SKAP2: variants seen among roughly 807,000 people sequenced by gnomAD.
SKAP2 encodes the protein src kinase associated phosphoprotein 2, also known as src kinase-associated phosphoprotein 2.
SKAP2 carries 28 observed loss-of-function variants against 54.9 expected under a neutral mutation model. The observed-to-expected ratio is 0.51, with a 90% confidence interval of 0.38 to 0.70. The LOEUF is 0.70. Ranked by LOEUF, SKAP2 falls within the 30% of genes least tolerant of loss-of-function variation. The pLI, the probability that SKAP2 is intolerant of heterozygous loss-of-function variation, is 0.00. For synonymous variants in SKAP2, 137 were observed against 134.3 expected, an observed-to-expected ratio of 1.02 and a Z score of -0.14; for missense variants, 356 against 424.1, an observed-to-expected ratio of 0.84 and a Z score of 1.41.
chr7:26,844,084 T>C lies in SKAP2; in HGVS notation c.253A>G (p.Thr85Ala). Reference sequence around the variant, plus strand: ...TATCGTTCTGAGGCTAATGAAATAGTGTCTGGAGGCCCAGCAAAAGGGTCA... The same window carrying C: ...TATCGTTCTGAGGCTAATGAAATAGCGTCTGGAGGCCCAGCAAAAGGGTCA... ...YDDPFAGPPD[T>A]ISLASERYDK... The change falls in exon 4 of 13, where the codon ACT becomes GCT. Residue 85 changes from threonine (T) to alanine (A), a missense_variant. By Grantham distance (58) the Thr-to-Ala change is moderately conservative (BLOSUM62 0). Transcript: ENST00000345317. 6.2e-7 allele frequency: 1 copy of C among 1,612,794 alleles called. No individual in the cohort carries two copies.
intron 4 of SKAP2, among the ~76,000 whole-genome samples, chr7:26,793,888 A>C (rs891734393): frequency 1.3e-5 from 2 of 152,244 alleles, no homozygotes; most frequent in African/African-American, 4.8e-5. Flanking sequence ...TCAGGCTTAA[A>C]ATACAATTAA....
intron 9 of SKAP2, among the ~76,000 whole-genome samples, chr7:26,700,518 T>C (rs1018659769): frequency 4.6e-5 from 7 of 152,328 alleles, no homozygotes; most frequent in Middle Eastern, 3.4e-3. Context: ...CGTCTCTCAC[T>C]AGAAATTGCC....
At chr7:26,716,888 T>G (rs1787458391) in intron 9 of SKAP2, among the ~76,000 whole-genome samples, 1 of 152,244 alleles carries the variant, frequency 6.6e-6, no homozygotes, top group Non-Finnish European at 1.5e-5. Context: ...AATTATTGCC[T>G]AAATTTAGTT....
Position 26,726,968 on chromosome 7 carries a change from T to C in SKAP2, c.508A>G (p.Ser170Gly), listed in dbSNP as rs1444880208. 6.2e-7 allele frequency: 1 copy of C among 1,605,580 alleles called. No homozygotes were observed. The highest frequency in any genetic ancestry group is 2.3e-5 in the East Asian group (1 of 44,426). ...CTTAGAGTGTTATTCATTCTGACAC[T>C]GTAGCCATCTATTGCAAATTCACCT... ...QKGEFAIDGY[S>G]VRMNNTLRKD... The change falls in exon 7 of 13, where the codon AGT (serine) becomes GGT (glycine). Residue 170 changes from serine (S) to glycine (G), a missense_variant. Coordinates refer to ENST00000345317, the MANE Select transcript of SKAP2 (RefSeq NM_003930.5).
chr7:26,750,055 A>C (rs145245352), intron 4 of SKAP2, among the ~76,000 whole-genome samples: 1,812 of 152,028 alleles, frequency 0.012, 20 homozygotes, highest in Middle Eastern at 0.031. Flanking sequence ...TCAAGATAAC[A>C]CACAATAAGT....
chr7:26,706,826 C>T (rs1787168185), intron 9 of SKAP2, among the ~76,000 whole-genome samples: 1 of 152,142 alleles, frequency 6.6e-6, no homozygotes, highest in Admixed American at 6.5e-5. Context: ...ACCACATTAA[C>T]CTAATTTAAC....
intron 4 of SKAP2, among the ~76,000 whole-genome samples, chr7:26,788,232 T>C (rs1783598949): frequency 6.6e-6 from 1 of 152,234 alleles, no homozygotes; most frequent in Non-Finnish European, 1.5e-5. Context: ...TCATTTCATA[T>C]TGTTATGAAG....
chr7:26,685,951 A>T (rs1001711292), intron 10 of SKAP2, among the ~76,000 whole-genome samples: 1 of 152,174 alleles, frequency 6.6e-6, no homozygotes, highest in South Asian at 2.1e-4. Flanking sequence ...TTCTGAGGGG[A>T]TAACTGTGGA....
At chr7:26,742,968 G>A (rs913823046) in intron 4 of SKAP2, among the ~76,000 whole-genome samples, 11 of 152,064 alleles carry the variant, frequency 7.2e-5, no homozygotes, top group Admixed American at 2.6e-4. Context: ...TGACATTTAG[G>A]AAGATTTAGA....
chr7:26,860,742 T>C (rs1785256920), intron 1 of SKAP2, among the ~76,000 whole-genome samples: 1 of 115,116 alleles, frequency 8.7e-6, no homozygotes, highest in South Asian at 2.8e-4. Flanking sequence ...TCTGCCTCTA[T>C]TTCAAATAAA....
chr7:26,719,366 G>C (rs915976051), intron 9 of SKAP2, among the ~76,000 whole-genome samples: 6 of 152,018 alleles, frequency 3.9e-5, no homozygotes, highest in African/African-American at 1.4e-4. Context: ...AATCCTACTA[G>C]CCTCTTCAAA....
intron 11 of SKAP2, among the ~76,000 whole-genome samples, chr7:26,674,539 C>T (rs953718693): frequency 6.6e-5 from 10 of 152,056 alleles, no homozygotes; most frequent in African/African-American, 2.4e-4. Flanking sequence ...ACTATCTATA[C>T]ATTAACTACT....
chr7:26,776,538 C>T (rs1464253832), intron 4 of SKAP2, among the ~76,000 whole-genome samples: 2 of 151,966 alleles, frequency 1.3e-5, no homozygotes, highest in Non-Finnish European at 2.9e-5. Context: ...AAACTTCAGA[C>T]TCATCTCTAC....
At chr7:26,696,003 TGG>T (rs1164861081) in intron 9 of SKAP2, among the ~76,000 whole-genome samples, 2 of 152,250 alleles carry the variant, frequency 1.3e-5, no homozygotes, top group East Asian at 3.9e-4. Context: ...CCATGACCTG[TGG>T]CAAGTCACAA....
At chr7:26,722,129 C>T (rs975703490) in intron 9 of SKAP2, among the ~76,000 whole-genome samples, 1 of 152,074 alleles carries the variant, frequency 6.6e-6, no homozygotes, top group African/African-American at 2.4e-5. Flanking sequence ...TGAAGAAAAG[C>T]CAAATACCTT....
At chr7:26,689,371 C>G (rs946464208) in intron 10 of SKAP2, among the ~76,000 whole-genome samples, 1 of 152,108 alleles carries the variant, frequency 6.6e-6, no homozygotes, top group African/African-American at 2.4e-5. Flanking sequence ...AAAATAATTG[C>G]TGGTTTATCA....
intron 1 of SKAP2, among the ~76,000 whole-genome samples, chr7:26,863,862 A>C (rs772841837): frequency 6.6e-6 from 1 of 152,054 alleles, no homozygotes; most frequent in Non-Finnish European, 1.5e-5. Context: ...TAGAAATGAC[A>C]AACTCTTTCA....
At chr7:26,809,033 T>C (rs1032367624) in intron 4 of SKAP2, among the ~76,000 whole-genome samples, 24 of 152,164 alleles carry the variant, frequency 1.6e-4, no homozygotes, top group African/African-American at 4.3e-4. Flanking sequence ...GAGAAAATAT[T>C]TGCAAACCAC....
chr7:26,766,149 A>G (rs1004163191), intron 4 of SKAP2, among the ~76,000 whole-genome samples: 1 of 152,134 alleles, frequency 6.6e-6, no homozygotes, highest in Admixed American at 6.5e-5. Context: ...TATTTCCTTG[A>G]GCAGTGGTTT....
Sources: allele counts gnomAD v4.1 joint callset (sites outside exome capture counted in the v4.1 genomes callset), GRCh38; gene constraint gnomAD v4.1.1; transcripts MANE v1.5; gene names NCBI Gene and HGNC (gene_info 2026-07-23, HGNC 2026-07-21).